The following CYP20A1 variants were observed in gnomAD, a reference collection of about 807,000 sequenced individuals.
CYP20A1 encodes cytochrome P450 family 20 subfamily A member 1.
Under a neutral mutation model 61.4 loss-of-function variants are expected in CYP20A1, and 61 were observed. The observed-to-expected ratio is 0.99, with a 90% CI of 0.81 to 1.23. The LOEUF (loss-of-function observed/expected upper bound fraction) is 1.23. Ranked by LOEUF, CYP20A1 falls within the 50% of genes most tolerant of loss-of-function variation. CYP20A1 has a pLI of 0.00. For synonymous variants in CYP20A1, 193 were observed against 188.2 expected, an observed-to-expected ratio of 1.03 and a Z score of -0.21; for missense variants, 530 against 542.4, an observed-to-expected ratio of 0.98 and a Z score of 0.23.
At position 203,302,297 on chromosome 2, in the gene CYP20A1, A is replaced by C. The variant is rs1303828922; in HGVS notation, c.*5389A>C. Among the ~76,000 whole-genome samples the C allele has an allele frequency of 6.6e-6, 1 of 152,160 alleles. No individual in the cohort carries two copies. On this transcript the variant is annotated 3_prime_UTR_variant, in exon 13 of 13. Transcript: ENST00000356079. ...TATAACTCAAGCACTTTGGGAGTTC[A>C]AGGCGGCCAGATTGCTTGAGCTTTT...
At chr2:203,266,883 A>C (rs866307591) in intron 5 of CYP20A1, among the ~76,000 whole-genome samples, 8 of 152,164 alleles carry the variant, frequency 5.3e-5, no homozygotes, top group Admixed American at 2.0e-4. Context: ...CAGGAGGCTG[A>C]GGCATGAGAA....
At chr2:203,262,343 C>A (rs1367864851) in intron 4 of CYP20A1, among the ~76,000 whole-genome samples, 1 of 152,160 alleles carries the variant, frequency 6.6e-6, no homozygotes, top group African/African-American at 2.4e-5. Flanking sequence ...CAGATGTACA[C>A]CACCATGCCA....
chr2:203,248,411 G>A (rs2066538114), intron 3 of CYP20A1, among the ~76,000 whole-genome samples: 3 of 152,098 alleles, frequency 2.0e-5, no homozygotes, highest in African/African-American at 7.2e-5. Flanking sequence ...ATGTGCGCCT[G>A]TAATCCCAGC....
At chr2:203,287,215 CAAAAAAAAAAAAAA>C (rs1168549640) in intron 9 of CYP20A1, among the ~76,000 whole-genome samples, 1 of 47,052 alleles carries the variant, frequency 2.1e-5, no homozygotes, top group Non-Finnish European at 3.7e-5. Context: ...GACCCTATCT[CAAAAAAAAAAAAAA>C]AAAAAAAAAA....
chr2:203,247,737 G>C (rs191486354), intron 3 of CYP20A1, among the ~76,000 whole-genome samples: 17 of 152,096 alleles, frequency 1.1e-4, no homozygotes, highest in Admixed American at 3.3e-4. Context: ...TGTGCCTGTA[G>C]TCCCAGCTAC....
intron 12 of CYP20A1, 71 bp from the exon 13 acceptor site, chr2:203,296,687 A>C (rs1243253062): frequency 4.6e-6 from 7 of 1,507,676 alleles, no homozygotes; most frequent in Non-Finnish European, 6.3e-6. Flanking sequence ...TCTGGGGTTC[A>C]TGTGCAGAAC....
At chr2:203,284,067 A>G (rs2068161609) in intron 8 of CYP20A1, among the ~76,000 whole-genome samples, 1 of 152,214 alleles carries the variant, frequency 6.6e-6, no homozygotes, top group South Asian at 2.1e-4. Flanking sequence ...GGGAAAAGTT[A>G]AGGACAGGCA....
chr2:203,259,478 C>T (rs1040287543), intron 4 of CYP20A1: 4 of 152,154 alleles, frequency 2.6e-5, no homozygotes, highest in Admixed American at 2.6e-4. Context: ...TCTCTTGCTC[C>T]TGCTTTTGCC....
At chr2:203,272,842 T>G in intron 6 of CYP20A1, 94 bp downstream of exon 6, 1 of 712,822 alleles carries the variant, frequency 1.4e-6, no homozygotes, top group Non-Finnish European at 2.2e-6. Context: ...TAAAGGTCAT[T>G]TATATTTTCT....
intron 3 of CYP20A1, among the ~76,000 whole-genome samples, chr2:203,248,837 GTAGGTGAGACTA>G (rs2066556330): frequency 6.6e-6 from 1 of 152,008 alleles, no homozygotes; most frequent in African/African-American, 2.4e-5. Flanking sequence ...AGCCTCCTGA[GTAGGTGAGACTA>G]TAGGCATGCA....
At chr2:203,279,978 A>G (rs2067978156) in intron 7 of CYP20A1, 81 bp from the exon 8 acceptor site, 1 of 874,566 alleles carries the variant, frequency 1.1e-6, no homozygotes, top group Non-Finnish European at 1.7e-6. Flanking sequence ...CACTAATTTT[A>G]TGCTGTAGAT....
Position 203,305,194 on chromosome 2 carries a change from C to CTTT in CYP20A1, c.*8309_*8311dup, listed in dbSNP as rs11304494. 1.5e-3 allele frequency among the ~76,000 whole-genome samples: 87 copies of CTTT among 56,790 alleles called. No individual in the cohort carries two copies. Among genetic ancestry groups the CTTT allele is most frequent in the South Asian group, 2.1e-3 (2 of 958 alleles). 37.3% of individuals were successfully genotyped at this position (56,790 alleles called of 152,430 possible). ...AATTGGTTTACAGTTCGGTGGCTGT[C>CTTT]TTTTTTTTTTTTTTTTTTTTTTTTT... On this transcript the variant is annotated 3_prime_UTR_variant, in exon 13 of 13. Coordinates refer to ENST00000356079, the MANE Select transcript of CYP20A1 (RefSeq NM_177538.3).
At chr2:203,266,734 C>T (rs747727637) in intron 5 of CYP20A1, 53 bp downstream of exon 5, 9 of 1,490,536 alleles carry the variant, frequency 6.0e-6, no homozygotes, top group Non-Finnish European at 8.4e-6. Context: ...CACGGCAGCT[C>T]ACACCTGTAA....
At position 203,296,490 on chromosome 2, in the gene CYP20A1, T is replaced by C. The variant is rs2068802004; in HGVS notation, c.1165T>C (p.Phe389Leu). 2 of 1,611,646 alleles carry C rather than the reference T, an allele frequency of 1.2e-6. No homozygotes were observed. Among genetic ancestry groups the C allele is most frequent in the South Asian group, 2.2e-5 (2 of 90,678 alleles). Residue 389 changes from phenylalanine (F) to leucine (L), a missense_variant, in exon 12 of 13, where the codon TTT becomes CTT. Transcript: ENST00000356079. ...TCTTTGTAGGTTTGATCCAGATCGG[T>C]TTGATGATGAATTAGTAATGAAAAC... ...PSPHKFDPDR[F>L]DDELVMKTFS...
chr2:203,286,870 T>C (rs1254441256), intron 9 of CYP20A1, among the ~76,000 whole-genome samples: 2 of 151,908 alleles, frequency 1.3e-5, no homozygotes, highest in Non-Finnish European at 2.9e-5. Flanking sequence ...GGGTTAGAAG[T>C]CTGAGACTGG....
chr2:203,251,905 C>T, intron 3 of CYP20A1, 62 bp from the exon 4 acceptor site: 2 of 1,344,748 alleles, frequency 1.5e-6, no homozygotes, highest in African/African-American at 1.5e-5. Context: ...CTCTTGTTCT[C>T]TTACAGGGTA....
chr2:203,273,152 AT>A (rs2067676849), intron 6 of CYP20A1, among the ~76,000 whole-genome samples: 2 of 151,746 alleles, frequency 1.3e-5, no homozygotes, highest in African/African-American at 4.8e-5. Context: ...GCCTATATTT[AT>A]TTTCTTTCTT....
chr2:203,296,504 A>C lies in CYP20A1; in HGVS notation c.1179A>C (p.Leu393Phe). ...KFDPDRFDDELVMKTFSSLGF... is the reference protein window; with the variant it reads ...KFDPDRFDDEFVMKTFSSLGF... ...ATCCAGATCGGTTTGATGATGAATT[A>C]GTAATGAAAACTTTTTCCTCACTTG... Residue 393 changes from leucine to phenylalanine, a missense_variant, in exon 12 of 13, where the codon TTA (leucine) becomes TTC (phenylalanine). Coordinates refer to ENST00000356079, the MANE Select transcript of CYP20A1 (RefSeq NM_177538.3). 1 of 1,612,642 alleles carries C rather than the reference A, an allele frequency of 6.2e-7. No homozygotes were observed. Among genetic ancestry groups the C allele is most frequent in the Middle Eastern group, 1.7e-4 (1 of 6,054 alleles).
intron 7 of CYP20A1, among the ~76,000 whole-genome samples, chr2:203,279,417 A>G (rs1467519826): frequency 6.6e-6 from 1 of 152,206 alleles, no homozygotes; most frequent in Admixed American, 6.5e-5. Context: ...TGTTAGGTGT[A>G]TTAGACTAAA....
Sources: allele counts gnomAD v4.1 joint callset (sites outside exome capture counted in the v4.1 genomes callset), GRCh38; gene constraint gnomAD v4.1.1; transcripts MANE v1.5; gene names NCBI Gene and HGNC (gene_info 2026-07-23, HGNC 2026-07-21).